The following LRP1B variants were observed in gnomAD, a reference collection of about 807,000 sequenced individuals.
The protein encoded by LRP1B is LDL receptor related protein 1B, also known as low-density lipoprotein receptor-related protein 1B.
Under a neutral mutation model 556.6 loss-of-function variants are expected in LRP1B, and 217 were observed. The observed-to-expected ratio is 0.39, with a 90% CI of 0.35 to 0.44. LRP1B has a LOEUF of 0.44. Ranked by LOEUF, LRP1B falls within the 20% of genes least tolerant of loss-of-function variation. The probability of loss-of-function intolerance (pLI) is 1.00; values close to 1 mark genes in which losing one functional copy is unlikely to be tolerated. For missense variants in LRP1B, 5,053 were observed against 5,620.8 expected (o/e 0.90, Z 3.23); for synonymous variants, 2,047 against 1,865.8 (o/e 1.10, Z -2.50).
chr2:140,382,601 A>T (rs1242524304), intron 67 of LRP1B, among the ~76,000 whole-genome samples: 1 of 152,202 alleles, frequency 6.6e-6, no homozygotes, highest in South Asian at 2.1e-4. Context: ...TAATAAAATG[A>T]CAATGAACTA....
chr2:141,738,282 C>T (rs893422647), intron 2 of LRP1B, among the ~76,000 whole-genome samples: 4 of 152,142 alleles, frequency 2.6e-5, no homozygotes, highest in African/African-American at 4.8e-5. Flanking sequence ...CTCCTTCTCT[C>T]CCAATAGAGA....
rs142857075 is a variant in LRP1B, at chr2:140,936,574, A to T, written c.3137-13427T>A. Among the ~76,000 whole-genome samples, 3 of 152,146 alleles carry T rather than the reference A, an allele frequency of 2.0e-5. No homozygotes were observed. The East Asian group carries it at 5.8e-4, about 30-fold the overall frequency. ...CTCTGGTGAAATGAAAGGAAAATAG[A>T]GAGTAACCTTAAGGTGTATAAAGGA... On this transcript the variant is annotated intron_variant, in intron 20 of 90. Transcript: ENST00000389484.
chr2:140,559,281 T>C (rs1207143659), intron 43 of LRP1B, among the ~76,000 whole-genome samples: 1 of 152,096 alleles, frequency 6.6e-6, no homozygotes, highest in Non-Finnish European at 1.5e-5. Flanking sequence ...TTAAAAATAT[T>C]TAAGAGACAT....
intron 18 of LRP1B, among the ~76,000 whole-genome samples, chr2:140,959,454 C>G (rs1306786608): frequency 6.6e-6 from 1 of 151,448 alleles, no homozygotes; most frequent in African/African-American, 2.4e-5. Context: ...AATGATAATT[C>G]TCCCTGGCAA....
At chr2:140,269,014 T>TAG (rs1378899735) in intron 86 of LRP1B, among the ~76,000 whole-genome samples, 4 of 152,066 alleles carry the variant, frequency 2.6e-5, no homozygotes, top group Non-Finnish European at 5.9e-5. Context: ...TACTATTTTC[T>TAG]AGCAAATGTA....
chr2:141,607,649 T>C (rs749697555), intron 2 of LRP1B, among the ~76,000 whole-genome samples: 49 of 152,186 alleles, frequency 3.2e-4, no homozygotes, highest in Non-Finnish European at 6.6e-4. Context: ...CCCAGCATGG[T>C]GGCTCACACC....
chr2:141,540,294 A>T (rs972364782), intron 2 of LRP1B, among the ~76,000 whole-genome samples: 2 of 144,048 alleles, frequency 1.4e-5, no homozygotes, highest in Non-Finnish European at 3.1e-5. Flanking sequence ...TTTTTGTTAA[A>T]AAACAAAAAA....
Position 141,492,857 on chromosome 2 carries a change from ATGT to A in LRP1B, c.206-12327_206-12325del, listed in dbSNP as rs543924526. Among the ~76,000 whole-genome samples the A allele has an allele frequency of 1.1e-4, 17 of 152,276 alleles. No homozygotes were observed. The East Asian group carries it at 2.9e-3, about 26-fold the overall frequency. On this transcript the variant is annotated intron_variant, in intron 2 of 90. Coordinates refer to ENST00000389484, the MANE Select transcript of LRP1B (RefSeq NM_018557.3). ...ATTTTATGTTTCAGACCCAAAGTGA[ATGT>A]TGTTGATGACAAATATTCTTCAAAA...
intron 3 of LRP1B, among the ~76,000 whole-genome samples, chr2:141,457,855 G>A (rs1681690744): frequency 1.3e-5 from 2 of 152,132 alleles, no homozygotes; most frequent in African/African-American, 2.4e-5. Context: ...TTTCTTGGGG[G>A]CTTCTGGGGT....
intron 3 of LRP1B, among the ~76,000 whole-genome samples, chr2:141,463,834 T>C (rs1682045970): frequency 7.2e-6 from 1 of 138,384 alleles, no homozygotes; most frequent in South Asian, 2.2e-4. Context: ...ATATATATAA[T>C]TGGATAATAT....
chr2:141,864,447 C>T (rs999516447), intron 1 of LRP1B, among the ~76,000 whole-genome samples: 1 of 151,870 alleles, frequency 6.6e-6, no homozygotes, highest in Non-Finnish European at 1.5e-5. Flanking sequence ...AGACAAGGCC[C>T]CAAACAAGCT....
rs1394464768 is a variant in LRP1B, at chr2:141,049,022, T to C, written c.1753A>G (p.Ile585Val). Reference protein sequence around the residue: ...TTSFLIGRQKIDGTERETILK... With the variant: ...TTSFLIGRQKVDGTERETILK... The stretch of plus-strand genomic sequence containing the variant: ...ATGGTTTCTCTCTCTGTGCCATCTA[T>C]CTTCTGCCGGCCAATTAGGAAACTG... Residue 585 changes from isoleucine (I) to valine (V), a missense_variant, in exon 11 of 91, where the codon ATA becomes GTA. Physicochemically the swap from Ile to Val is conservative, Grantham distance 29 (BLOSUM62 3). Coordinates refer to ENST00000389484, the MANE Select transcript of LRP1B (RefSeq NM_018557.3). 1 of 1,613,370 alleles carries C rather than the reference T, an allele frequency of 6.2e-7. No individual in the cohort carries two copies. The highest frequency in any genetic ancestry group is 8.5e-7 in the Non-Finnish European group (1 of 1,179,638).
intron 41 of LRP1B, among the ~76,000 whole-genome samples, chr2:140,626,782 G>T (rs1397015781): frequency 6.8e-6 from 1 of 147,238 alleles, no homozygotes; most frequent in South Asian, 2.1e-4. Flanking sequence ...TTCAATAAAA[G>T]ATTAATATAT....
chr2:140,840,369 T>G (rs1372894642), intron 30 of LRP1B, among the ~76,000 whole-genome samples: 1 of 152,202 alleles, frequency 6.6e-6, no homozygotes, highest in Non-Finnish European at 1.5e-5. Flanking sequence ...CTATAGTAAA[T>G]TATTTTCTTT....
intron 6 of LRP1B, among the ~76,000 whole-genome samples, chr2:141,225,911 G>A (rs1521103): frequency 0.38 from 56,925 of 151,736 alleles, 11,186 homozygotes; most frequent in East Asian, 0.7. Context: ...TCCAAGATTC[G>A]TATAACTGTC....
chr2:141,172,312 C>T (rs1680534970), intron 7 of LRP1B, among the ~76,000 whole-genome samples: 2 of 151,898 alleles, frequency 1.3e-5, no homozygotes, highest in South Asian at 2.1e-4. Flanking sequence ...CAACATGAAC[C>T]GTCAGAATAA....
In LRP1B at chr2:140,525,837, G is replaced by A. The variant is rs775790378; in HGVS notation, c.8026+7C>T. 3 of 1,609,460 alleles carry A rather than the reference G, an allele frequency of 1.9e-6. No individual in the cohort carries two copies. The highest frequency in any genetic ancestry group is 1.7e-6 in the Non-Finnish European group (2 of 1,177,720). ...AAAGCCTGTGTTTTTCTAAATTCTA[G>A]TATTACCTGGGCACTTTAATTCATC... On this transcript the variant is annotated splice_region_variant and intron_variant, in intron 49 of 90. Coordinates refer to ENST00000389484, the MANE Select transcript of LRP1B (RefSeq NM_018557.3).
intron 1 of LRP1B, among the ~76,000 whole-genome samples, chr2:141,828,679 A>G (rs941871145): frequency 2.6e-5 from 4 of 152,250 alleles, no homozygotes; most frequent in Admixed American, 1.3e-4. Context: ...AGCTGATTGG[A>G]TCAGGGATAG....
intron 2 of LRP1B, among the ~76,000 whole-genome samples, chr2:141,552,778 AT>A (rs143502591): frequency 0.032 from 4,833 of 152,076 alleles, 270 homozygotes; most frequent in African/African-American, 0.11. Flanking sequence ...TATTAAACCA[AT>A]AAAAAAAATT....
Sources: allele counts gnomAD v4.1 joint callset (sites outside exome capture counted in the v4.1 genomes callset), GRCh38; gene constraint gnomAD v4.1.1; transcripts MANE v1.5; gene names NCBI Gene and HGNC (gene_info 2026-07-23, HGNC 2026-07-21).